Variants in SLC38A9 observed in about 807,000 individuals in gnomAD.
SLC38A9 encodes the protein solute carrier family 38 member 9.
A neutral mutation model predicts 62.3 loss-of-function variants in SLC38A9; 48 were observed. That is an observed-to-expected ratio of 0.77 (90% CI 0.61 to 0.98). SLC38A9 has a LOEUF of 0.98. SLC38A9 is among the 50% of genes least tolerant of loss of function. SLC38A9 has a pLI of 0.00. For synonymous variants in SLC38A9, 204 were observed against 227.7 expected (o/e 0.90, Z 0.94); for missense variants, 541 against 679.8 (o/e 0.80, Z 2.27).
intron 3 of SLC38A9, among the ~76,000 whole-genome samples, chr5:55,679,504 A>T (rs1752694182): frequency 6.6e-6 from 1 of 152,202 alleles, no homozygotes; most frequent in Admixed American, 6.5e-5. Context: ...GGTTTTAAAA[A>T]AATCCATTAA....
At position 55,709,269 on chromosome 5, in the gene SLC38A9, A is replaced by G. The variant is rs145137401; in HGVS notation, c.-35+2183T>C. ...CTCTCCTTCTACAATGGGAACACTA[A>G]ATGCTCTCAAGTTATATTTCAGTGG... is the stretch of plus-strand genomic sequence containing the variant. On this transcript the variant is annotated intron_variant, in intron 2 of 15. Coordinates refer to ENST00000396865, the MANE Select transcript of SLC38A9 (RefSeq NM_173514.4). 2.9e-3 allele frequency among the ~76,000 whole-genome samples: 439 copies of G among 152,326 alleles called. 3 individuals are homozygous for G. Among genetic ancestry groups the G allele is most frequent in the African/African-American group, 0.01 (427 of 41,562 alleles).
chr5:55,670,248 G>C lies in SLC38A9; in HGVS notation c.247-369C>G, dbSNP rs183172585. The stretch of plus-strand genomic sequence containing the variant: ...CTCCCAAAGTGCTGGGATTACAGGC[G>C]TAAGCCACCACGCCTGGCCCTCTAG... On this transcript the variant is annotated intron_variant, in intron 4 of 15. Transcript: ENST00000396865. Among the ~76,000 whole-genome samples the C allele has an allele frequency of 4.3e-4, 65 of 152,224 alleles. 1 individual carries two copies. The highest frequency in any genetic ancestry group is 3.4e-3 in the Middle Eastern group (1 of 294).
chr5:55,694,754 C>CTCCTCTCCTT (rs1554067622), intron 3 of SLC38A9, among the ~76,000 whole-genome samples: 1 of 139,762 alleles, frequency 7.2e-6, no homozygotes, highest in Non-Finnish European at 1.5e-5. Context: ...CTCCTCTCCT[C>CTCCTCTCCTT]TCCTTTCCTT....
At chr5:55,656,516 T>C (rs1487652184) in intron 9 of SLC38A9, among the ~76,000 whole-genome samples, 199 bp downstream of exon 9, 4 of 152,194 alleles carry the variant, frequency 2.6e-5, no homozygotes, top group Non-Finnish European at 4.4e-5. Context: ...TAATACAACC[T>C]ATTGCTTGGT....
chr5:55,650,173 A>C (rs1264442158), intron 10 of SLC38A9, among the ~76,000 whole-genome samples: 2 of 152,168 alleles, frequency 1.3e-5, no homozygotes. Flanking sequence ...TTGACTGGGT[A>C]GCACTACTTG....
intron 2 of SLC38A9, among the ~76,000 whole-genome samples, chr5:55,707,111 G>C (rs1199796389): frequency 6.6e-6 from 1 of 151,848 alleles, no homozygotes; most frequent in African/African-American, 2.4e-5. Flanking sequence ...TGCCCAGCCT[G>C]GCCTCAAGTA....
intron 12 of SLC38A9, among the ~76,000 whole-genome samples, chr5:55,642,262 G>T (rs1346879030): frequency 1.3e-5 from 2 of 152,198 alleles, no homozygotes; most frequent in Non-Finnish European, 2.9e-5. Flanking sequence ...AGCCAGGAAG[G>T]TCTCAATCTC....
At chr5:55,653,360 ATGGT>A (rs1747871925) in intron 9 of SLC38A9, among the ~76,000 whole-genome samples, 1 of 152,178 alleles carries the variant, frequency 6.6e-6, no homozygotes, top group African/African-American at 2.4e-5. Context: ...ACTGGGCTGG[ATGGT>A]ATTTGGTCTT....
intron 14 of SLC38A9, among the ~76,000 whole-genome samples, chr5:55,628,993 T>A (rs1561293006): frequency 6.6e-6 from 1 of 152,156 alleles, no homozygotes; most frequent in South Asian, 2.1e-4. Flanking sequence ...AAATTATTTA[T>A]ATAAATAAGT....
chr5:55,651,712 G>A (rs1747511497), intron 10 of SLC38A9, among the ~76,000 whole-genome samples: 2 of 152,096 alleles, frequency 1.3e-5, no homozygotes, highest in South Asian at 4.1e-4. Context: ...CTGAGATAGA[G>A]AATGATTTCC....
intron 10 of SLC38A9, among the ~76,000 whole-genome samples, chr5:55,651,248 CTTTTT>C (rs1157691760): frequency 3.4e-4 from 40 of 117,616 alleles, no homozygotes; most frequent in African/African-American, 1.2e-3. Flanking sequence ...CTTTTGCCAT[CTTTTT>C]TTTTTTTTTT....
chr5:55,708,572 A>G (rs2150738963), intron 2 of SLC38A9, among the ~76,000 whole-genome samples: 1 of 152,360 alleles, frequency 6.6e-6, no homozygotes, highest in Non-Finnish European at 1.5e-5. Flanking sequence ...AATAGAATAC[A>G]CTAGCTTGTG....
chr5:55,694,472 G>T (rs993206059), intron 3 of SLC38A9, among the ~76,000 whole-genome samples: 10 of 140,072 alleles, frequency 7.1e-5, no homozygotes, highest in Non-Finnish European at 1.6e-4. Context: ...GGTTCTTAAT[G>T]GCACTAAGGA....
chr5:55,658,059 T>A (rs957263478), intron 8 of SLC38A9: 1 of 152,258 alleles, frequency 6.6e-6, no homozygotes, highest in African/African-American at 2.4e-5. Flanking sequence ...AACCTCAGAA[T>A]GTGACCTTAT....
At chr5:55,681,587 T>G (rs1260766745) in intron 3 of SLC38A9, among the ~76,000 whole-genome samples, 1 of 152,226 alleles carries the variant, frequency 6.6e-6, no homozygotes, top group Non-Finnish European at 1.5e-5. Flanking sequence ...TTTGCTGTTT[T>G]GTTGTCCAAA....
rs190620574 is a variant in SLC38A9, at chr5:55,656,063, A to G, written c.757+652T>C. On this transcript the variant is annotated intron_variant, in intron 9 of 15. Transcript: ENST00000396865. Reference sequence around the variant, plus strand: ...GTTAAACTGAGAACTATGCTTCTAGACATCTGATATAATTAATAGTGATAT... The same window carrying G: ...GTTAAACTGAGAACTATGCTTCTAGGCATCTGATATAATTAATAGTGATAT... Among the ~76,000 whole-genome samples the G allele has an allele frequency of 8.8e-4, 134 of 152,234 alleles. 3 individuals carry two copies. Among genetic ancestry groups the G allele is most frequent in the Non-Finnish European group, 4.7e-4 (32 of 67,978 alleles).
intron 3 of SLC38A9, among the ~76,000 whole-genome samples, chr5:55,689,978 GC>G (rs1754495203): frequency 6.6e-6 from 1 of 151,988 alleles, no homozygotes; most frequent in South Asian, 2.1e-4. Context: ...AAAGAAAGAA[GC>G]CACTCAGGCA....
chr5:55,692,206 A>G (rs1277927547), intron 3 of SLC38A9, among the ~76,000 whole-genome samples: 2 of 152,232 alleles, frequency 1.3e-5, no homozygotes, highest in African/African-American at 4.8e-5. Flanking sequence ...CTTCAAATCC[A>G]TCGTTTTACA....
chr5:55,640,017 G>A (rs573702785), intron 12 of SLC38A9, among the ~76,000 whole-genome samples: 14 of 115,216 alleles, frequency 1.2e-4, no homozygotes, highest in African/African-American at 3.0e-4. Flanking sequence ...ATGGAGTCTC[G>A]CTCTGTCACC....
Sources: allele counts gnomAD v4.1 joint callset (sites outside exome capture counted in the v4.1 genomes callset), GRCh38; gene constraint gnomAD v4.1.1; transcripts MANE v1.5; gene names NCBI Gene and HGNC (gene_info 2026-07-23, HGNC 2026-07-21).